The following RPH3AL variants were observed in gnomAD, a reference collection of about 807,000 sequenced individuals.
RPH3AL encodes the protein rab effector Noc2.
RPH3AL carries 38 observed loss-of-function variants against 43.1 expected under a neutral mutation model. That is an observed-to-expected ratio of 0.88 (90% CI 0.68 to 1.15). RPH3AL has a LOEUF of 1.15. Ranked by LOEUF, RPH3AL falls within the 50% of genes most tolerant of loss-of-function variation. The probability of loss-of-function intolerance (pLI) is 0.00; values close to 1 mark genes in which losing one functional copy is unlikely to be tolerated. For synonymous variants in RPH3AL, 189 were observed against 176.3 expected (o/e 1.07, Z -0.57); for missense variants, 462 against 423.2 (o/e 1.09, Z -0.81).
intron 3 of RPH3AL, 51 bp from the exon 4 acceptor site, chr17:321,466 C>T (rs373470735): frequency 2.2e-4 from 331 of 1,504,374 alleles, no homozygotes; most frequent in South Asian, 6.5e-4. Flanking sequence ...GTGCAAACTC[C>T]GGCAGCCCCT....
At chr17:313,579 C>T (rs2043706860) in intron 5 of RPH3AL, among the ~76,000 whole-genome samples, 1 of 152,166 alleles carries the variant, frequency 6.6e-6, no homozygotes, top group Non-Finnish European at 1.5e-5. Context: ...AGAGAGGCCC[C>T]CTAAGCCTCT....
intron 6 of RPH3AL, among the ~76,000 whole-genome samples, chr17:258,613 C>G (rs1176142762): frequency 1.3e-5 from 2 of 152,172 alleles, no homozygotes; most frequent in African/African-American, 2.4e-5. Flanking sequence ...AGCCTTGCCT[C>G]CTGCTGCAAA....
At chr17:222,022 C>T (rs1395349318) in intron 7 of RPH3AL, among the ~76,000 whole-genome samples, 2 of 150,546 alleles carry the variant, frequency 1.3e-5, no homozygotes, top group African/African-American at 5.0e-5. Flanking sequence ...ACAATAGACC[C>T]AAGCACAACA....
chr17:267,202 C>T (rs757452205), intron 6 of RPH3AL, among the ~76,000 whole-genome samples: 1 of 152,256 alleles, frequency 6.6e-6, no homozygotes, highest in Non-Finnish European at 1.5e-5. Flanking sequence ...CTTTCATCTG[C>T]TGCTCTTAAT....
chr17:243,681 A>ATTACCTTCCT, intron 7 of RPH3AL, among the ~76,000 whole-genome samples: 1 of 136,534 alleles, frequency 7.3e-6, no homozygotes, highest in Admixed American at 7.5e-5. Flanking sequence ...TCCTCTATTG[A>ATTACCTTCCT]CTACCTTCCT....
intron 5 of RPH3AL, among the ~76,000 whole-genome samples, chr17:315,749 A>C (rs1262225367): frequency 7.7e-6 from 1 of 130,634 alleles, no homozygotes; most frequent in Non-Finnish European, 1.5e-5. Context: ...TCTGTGCTCC[A>C]CATCCATTGA....
intron 1 of RPH3AL, among the ~76,000 whole-genome samples, chr17:343,977 TTACC>T (rs2045185274): frequency 2.4e-5 from 1 of 41,492 alleles, no homozygotes. Flanking sequence ...GTCATCATCA[TTACC>T]ATCACCATCA....
chr17:314,359 G>A (rs2043769707), intron 5 of RPH3AL, among the ~76,000 whole-genome samples: 1 of 149,994 alleles, frequency 6.7e-6, no homozygotes, highest in South Asian at 2.1e-4. Context: ...CTCCCAGGCA[G>A]GAGTCACTGC....
At chr17:235,887 A>G (rs960502172) in intron 7 of RPH3AL, among the ~76,000 whole-genome samples, 3,607 of 114,900 alleles carry the variant, frequency 0.031, no homozygotes, top group African/African-American at 0.035. Flanking sequence ...GCTCTGCAGT[A>G]ACAAGAGGGA....
At chr17:223,394 G>A (rs144539541) in intron 7 of RPH3AL, among the ~76,000 whole-genome samples, 170 of 152,268 alleles carry the variant, frequency 1.1e-3, no homozygotes, top group African/African-American at 3.6e-3. Flanking sequence ...AGTCATGGGC[G>A]CCTGTCAGCG....
intron 7 of RPH3AL, among the ~76,000 whole-genome samples, chr17:235,772 C>T (rs865957492): frequency 6.5e-5 from 9 of 139,002 alleles, no homozygotes; most frequent in Middle Eastern, 4.2e-3. Flanking sequence ...CTGGGGTCGG[C>T]GGAGGCTCCG....
At chr17:266,836 G>A (rs1290188904) in intron 6 of RPH3AL, among the ~76,000 whole-genome samples, 1 of 152,258 alleles carries the variant, frequency 6.6e-6, no homozygotes, top group Non-Finnish European at 1.5e-5. Flanking sequence ...ACTGGCTCCT[G>A]TGAGGCTTCT....
intron 6 of RPH3AL, among the ~76,000 whole-genome samples, 185 bp downstream of exon 6, chr17:281,583 C>G (rs1333633752): frequency 6.6e-6 from 1 of 152,064 alleles, no homozygotes; most frequent in Non-Finnish European, 1.5e-5. Context: ...CTTTTCTCCG[C>G]CGAGTGGTCA....
At chr17:266,308 G>A (rs1331269670) in intron 6 of RPH3AL, among the ~76,000 whole-genome samples, 1 of 151,930 alleles carries the variant, frequency 6.6e-6, no homozygotes, top group Non-Finnish European at 1.5e-5. Flanking sequence ...GTGTGTGTGT[G>A]TGCACCTGCG....
At chr17:229,598 C>T (rs974998703) in intron 7 of RPH3AL, among the ~76,000 whole-genome samples, 2 of 152,212 alleles carry the variant, frequency 1.3e-5, no homozygotes, top group African/African-American at 4.8e-5. Context: ...TCCCAGCCTC[C>T]CCTGAAGGGA....
In RPH3AL at chr17:333,361, G is replaced by C; in HGVS notation, c.-37+398C>G. The C allele has an allele frequency of 2.6e-6, 3 of 1,158,812 alleles. No individual in the cohort carries two copies. The highest frequency in any genetic ancestry group is 2.3e-6 in the Non-Finnish European group (2 of 873,664). 71.8% of individuals were successfully genotyped at this position (1,158,812 alleles called of 1,614,324 possible). A position where few individuals can be genotyped will look rare whatever the true frequency, so the allele number is the denominator to read the frequency against. On this transcript the variant is annotated intron_variant, in intron 2 of 9. Transcript: ENST00000331302. The surrounding 1 kb of genome is among the most constrained non-coding windows in gnomAD (Gnocchi z 4.5). ...TTCTCACATCAGCCACCCCCATGGC[G>C]ACTCTTAACACCTTAATGTAGCACC...
chr17:259,946 G>A (rs906474534), intron 6 of RPH3AL, among the ~76,000 whole-genome samples: 2 of 152,204 alleles, frequency 1.3e-5, no homozygotes, highest in Admixed American at 6.5e-5. Flanking sequence ...TGTCAGGCTG[G>A]TGCTGGAAAG....
chr17:278,606 C>A (rs562772612), intron 6 of RPH3AL, among the ~76,000 whole-genome samples: 1 of 152,122 alleles, frequency 6.6e-6, no homozygotes, highest in Non-Finnish European at 1.5e-5. Flanking sequence ...GTCGGTGGGC[C>A]CCTCTCTTAT....
At chr17:259,510 C>T (rs761312489) in intron 6 of RPH3AL, among the ~76,000 whole-genome samples, 11 of 152,116 alleles carry the variant, frequency 7.2e-5, no homozygotes, top group Non-Finnish European at 1.2e-4. Flanking sequence ...CCCCTCCCCG[C>T]CCAGGAATAG....
Sources: allele counts gnomAD v4.1 joint callset (sites outside exome capture counted in the v4.1 genomes callset), GRCh38; gene constraint gnomAD v4.1.1; non-coding constraint Gnocchi (gnomAD v3.1); transcripts MANE v1.5; gene names NCBI Gene and HGNC (gene_info 2026-07-23, HGNC 2026-07-21).